Variants in PUM1 observed in about 807,000 individuals in gnomAD.
PUM1 encodes pumilio RNA binding family member 1.
In PUM1, 13 loss-of-function variants were observed where a neutral mutation model predicts 131.8. The ratio of observed to expected loss-of-function variants is 0.10; its 90% CI spans 0.06 to 0.16. PUM1 has a LOEUF of 0.16. Ranked by LOEUF, PUM1 falls within the 10% of genes least tolerant of loss-of-function variation. The pLI, the probability that PUM1 is intolerant of heterozygous loss-of-function variation, is 1.00. For missense variants in PUM1, 961 were observed against 1,512.4 expected, an observed-to-expected ratio of 0.64 and a Z score of 6.05; for synonymous variants, 509 against 556.5, an observed-to-expected ratio of 0.91 and a Z score of 1.20.
chr1:30,951,828 G>A (rs747597356), intron 16 of PUM1, among the ~76,000 whole-genome samples: 9 of 152,124 alleles, frequency 5.9e-5, no homozygotes, highest in Admixed American at 1.3e-4. Context: ...TACTGGAGTC[G>A]GTGTCCAAAG....
intron 2 of PUM1, among the ~76,000 whole-genome samples, chr1:31,050,403 G>A (rs188164591): frequency 6.6e-6 from 1 of 152,222 alleles, no homozygotes; most frequent in Admixed American, 6.5e-5. Context: ...CAGATTGCTT[G>A]TACAAAGGAG....
intron 2 of PUM1, among the ~76,000 whole-genome samples, chr1:31,053,883 T>C (rs1188076330): frequency 2.6e-5 from 4 of 151,562 alleles, no homozygotes; most frequent in Non-Finnish European, 4.4e-5. Flanking sequence ...TCACCTGAGG[T>C]TAGGAGTTCG....
At chr1:30,964,990 T>C in intron 13 of PUM1, 80 bp from the exon 14 acceptor site, 1 of 1,229,532 alleles carries the variant, frequency 8.1e-7, no homozygotes, top group Non-Finnish European at 1.2e-6. Flanking sequence ...TCCTAACACT[T>C]TGATCCAGAC....
At chr1:30,940,291 T>C (rs1176616337) in intron 20 of PUM1, among the ~76,000 whole-genome samples, 2 of 152,022 alleles carry the variant, frequency 1.3e-5, no homozygotes, top group African/African-American at 4.8e-5. Flanking sequence ...CCCTGGCCAA[T>C]ATGGTGAAAC....
At chr1:30,943,480 G>C (rs968308454) in intron 18 of PUM1, among the ~76,000 whole-genome samples, 2 of 152,096 alleles carry the variant, frequency 1.3e-5, no homozygotes, top group South Asian at 4.2e-4. Flanking sequence ...TCGAACTCCT[G>C]ACCTCAGGTG....
At chr1:31,063,168 C>G (rs545455370) in intron 1 of PUM1, among the ~76,000 whole-genome samples, 1 of 152,220 alleles carries the variant, frequency 6.6e-6, no homozygotes, top group Non-Finnish European at 1.5e-5. Context: ...AAATCTCGAC[C>G]TAACAATCTT....
Position 30,945,456 on chromosome 1 carries a change from G to A in PUM1, c.2884C>T (p.His962Tyr). The stretch of plus-strand genomic sequence containing the variant: ...TGATCTTTCACACACTTCAAGACAT[G>A]GCCATCTAGTTCCCGAACCATCTCA... ...INEMVRELDG[H>Y]VLKCVKDQNG... is the part of the protein sequence containing the mutation. The change falls in exon 18 of 22, where the codon CAT becomes TAT. Residue 962 changes from histidine (H) to tyrosine (Y), a missense_variant. Physicochemically the swap from His to Tyr is moderately conservative, Grantham distance 83 (BLOSUM62 2). Transcript: ENST00000426105. The A allele has an allele frequency of 6.2e-7, 1 of 1,614,082 alleles. No homozygotes were observed. The highest frequency in any genetic ancestry group is 1.1e-5 in the South Asian group (1 of 91,080).
Position 31,045,608 on chromosome 1 carries a change from A to T in PUM1, c.363+13596T>A, listed in dbSNP as rs780343110. Among the ~76,000 whole-genome samples the T allele has an allele frequency of 4.6e-4, 70 of 152,272 alleles. No individual in the cohort carries two copies. In the East Asian group the frequency reaches 6.0e-3, roughly 13 times the overall value. On this transcript the variant is annotated intron_variant, in intron 2 of 21. Coordinates refer to ENST00000426105, the MANE Select transcript of PUM1 (RefSeq NM_001020658.2). ...AAGATGATAATATTAATTAATGAAT[A>T]AAAATGAATTTAAAAATATTTAGGG... is the stretch of plus-strand genomic sequence containing the variant.
In PUM1 at chr1:30,932,796, G is replaced by A. The variant is rs1803848; in HGVS notation, c.*415C>T. The A allele has an allele frequency of 0.077, 11,668 of 150,920 alleles. 669 individuals are homozygous for A. Among genetic ancestry groups the A allele is most frequent in the East Asian group, 0.28 (1,463 of 5,146 alleles). The allele number at this position is 150,920 out of a possible 1,614,324, so 9.3% of individuals were successfully genotyped here. ...GGAAGAGCTATTTGCAAAACTTGCC[G>A]GCCAGGCAAATGAGCTAAAAACCTT... On this transcript the variant is annotated 3_prime_UTR_variant, in exon 22 of 22. Coordinates refer to ENST00000426105, the MANE Select transcript of PUM1 (RefSeq NM_001020658.2).
intron 2 of PUM1, among the ~76,000 whole-genome samples, chr1:31,052,970 C>T (rs1312747752): frequency 6.6e-6 from 1 of 151,426 alleles, no homozygotes; most frequent in East Asian, 1.9e-4. Context: ...TCCAAAAGTG[C>T]TGGGATTACA....
At chr1:31,048,212 C>G (rs970468298) in intron 2 of PUM1, among the ~76,000 whole-genome samples, 2 of 151,624 alleles carry the variant, frequency 1.3e-5, no homozygotes, top group Admixed American at 6.6e-5. Flanking sequence ...GCACTCCAGC[C>G]TGGGCAACAG....
intron 2 of PUM1, among the ~76,000 whole-genome samples, chr1:31,045,894 C>T (rs978569182): frequency 2.0e-5 from 3 of 152,100 alleles, no homozygotes; most frequent in Non-Finnish European, 2.9e-5. Flanking sequence ...CCAGCCTGGT[C>T]AACATGGCGA....
intron 2 of PUM1, among the ~76,000 whole-genome samples, chr1:31,043,944 A>G (rs745479491): frequency 2.0e-5 from 3 of 152,126 alleles, no homozygotes; most frequent in Non-Finnish European, 2.9e-5. Context: ...AAATTTATAT[A>G]CTCTCAAACC....
At chr1:31,039,613 A>G (rs1359123361) in intron 2 of PUM1, among the ~76,000 whole-genome samples, 2 of 152,184 alleles carry the variant, frequency 1.3e-5, no homozygotes, top group Admixed American at 6.5e-5. Context: ...ATATAAAAAG[A>G]TGTTAGGCTG....
rs115791917 is a variant in PUM1, at chr1:31,024,139, T to C, written c.432+4657A>G. 5.0e-3 allele frequency among the ~76,000 whole-genome samples: 755 copies of C among 152,270 alleles called. 5 individuals are homozygous for C. Among genetic ancestry groups the C allele is most frequent in the African/African-American group, 0.017 (723 of 41,548 alleles). ...TCCTAGGAAACTATCTAGTCCAACA[T>C]CTTTGTCTTACGGGTAGAAAAAAGT... On this transcript the variant is annotated intron_variant, in intron 3 of 21. Transcript: ENST00000426105.
rs117726132 is a variant in PUM1, at chr1:30,971,434, A to C, written c.1507-2942T>G. 5.1e-3 allele frequency among the ~76,000 whole-genome samples: 777 copies of C among 152,372 alleles called. 4 individuals are homozygous for C. The highest frequency in any genetic ancestry group is 0.032 in the East Asian group (166 of 5,196). On this transcript the variant is annotated intron_variant, in intron 10 of 21. Transcript: ENST00000426105. Reference sequence around the variant, plus strand: ...GTAGGGTTTGACAGAACCTGTAGGGAATGACAGAAAACTGAAAAGTTAATG... The same window carrying C: ...GTAGGGTTTGACAGAACCTGTAGGGCATGACAGAAAACTGAAAAGTTAATG...
At chr1:30,972,493 G>T (rs1389195025) in intron 10 of PUM1, among the ~76,000 whole-genome samples, 1 of 140,910 alleles carries the variant, frequency 7.1e-6, no homozygotes, top group Non-Finnish European at 1.5e-5. Flanking sequence ...TATTTAATAG[G>T]CCAGGCACAG....
intron 7 of PUM1, among the ~76,000 whole-genome samples, chr1:30,986,148 T>A (rs1489097271): frequency 2.6e-5 from 4 of 152,032 alleles, no homozygotes; most frequent in African/African-American, 9.7e-5. Context: ...AGAGACGGGG[T>A]TTCACCATGT....
In PUM1 at chr1:31,059,596, CA is replaced by C; in HGVS notation, c.-11-20del. Reference sequence around the variant, plus strand: ...CCAACACCTAAGGACAAACAGGTTACAAATATTTAATATTTCCATCTTTTGA... The same window carrying C: ...CCAACACCTAAGGACAAACAGGTTACAATATTTAATATTTCCATCTTTTGA... On this transcript the variant is annotated intron_variant, in intron 1 of 21. Transcript: ENST00000426105. The C allele has an allele frequency of 6.4e-7, 1 of 1,553,590 alleles. No homozygotes were observed. The highest frequency in any genetic ancestry group is 1.4e-5 in the African/African-American group (1 of 72,486).
Sources: gnomAD v4.1 joint callset for allele counts (sites outside exome capture counted in the v4.1 genomes callset) on GRCh38, gnomAD v4.1.1 for gene constraint, MANE v1.5 for transcripts, NCBI Gene and HGNC (gene_info 2026-07-23, HGNC 2026-07-21) for gene names.